Variants in HCRTR2 observed in about 807,000 individuals in gnomAD.
HCRTR2 encodes the protein orexin receptor type 2.
HCRTR2 carries 22 observed loss-of-function variants against 49.0 expected under a neutral mutation model. That is an observed-to-expected ratio of 0.45 (90% CI 0.32 to 0.64). The LOEUF (loss-of-function observed/expected upper bound fraction) is 0.64, where lower values mean the gene tolerates loss of function less well. Ranked by LOEUF, HCRTR2 falls within the 30% of genes least tolerant of loss-of-function variation. The probability of loss-of-function intolerance (pLI) is 0.04; values close to 1 mark genes in which losing one functional copy is unlikely to be tolerated. For synonymous variants in HCRTR2, 236 were observed against 205.3 expected, an observed-to-expected ratio of 1.15 and a Z score of -1.28; for missense variants, 491 against 559.4, an observed-to-expected ratio of 0.88 and a Z score of 1.23.
At chr6:55,238,527 A>G (rs1766257756) in intron 1 of HCRTR2, among the ~76,000 whole-genome samples, 1 of 152,160 alleles carries the variant, frequency 6.6e-6, no homozygotes. Flanking sequence ...CTGTAGGACA[A>G]TATCCAAATG....
At chr6:55,119,938 G>C (rs961795880) in intron 1 of HCRTR2, among the ~76,000 whole-genome samples, 1 of 151,662 alleles carries the variant, frequency 6.6e-6, no homozygotes, top group African/African-American at 2.4e-5. Flanking sequence ...ATCTTGAGTT[G>C]ATTTTTGTAT....
chr6:55,196,565 C>T (rs1338487820), intron 1 of HCRTR2, among the ~76,000 whole-genome samples: 1 of 152,108 alleles, frequency 6.6e-6, no homozygotes, highest in Non-Finnish European at 1.5e-5. Context: ...AGTTTTAGAC[C>T]TAGTCACTGA....
chr6:55,282,578 T>A lies in HCRTR2; in HGVS notation c.*124T>A, dbSNP rs1767215001. The A allele has an allele frequency of 3.1e-6, 2 of 646,060 alleles. No homozygotes were observed. The highest frequency in any genetic ancestry group is 5.4e-6 in the Non-Finnish European group (2 of 368,066). The allele number at this position is 646,060 out of a possible 1,614,324, so 40.0% of individuals were successfully genotyped here. On this transcript the variant is annotated 3_prime_UTR_variant, in exon 7 of 7. Transcript: ENST00000370862. ...ACTTGTGGATCTTTTTTTTTTTTAA[T>A]CTATTGCTCTTTGGAAATAAAAAAA...
intron 1 of HCRTR2, among the ~76,000 whole-genome samples, chr6:55,106,772 T>C (rs1763980906): frequency 6.6e-6 from 1 of 152,174 alleles, no homozygotes. Flanking sequence ...TATATGAAGC[T>C]AGTCCTGACA....
chr6:55,256,654 T>A (rs1394026261), intron 3 of HCRTR2, among the ~76,000 whole-genome samples: 1 of 152,040 alleles, frequency 6.6e-6, no homozygotes, highest in Admixed American at 6.6e-5. Flanking sequence ...TTTCTCTGTA[T>A]CATTTTCAGT....
chr6:55,255,497 T>C (rs2127317478), intron 3 of HCRTR2, 118 bp downstream of exon 3: 2 of 1,239,244 alleles, frequency 1.6e-6, no homozygotes, highest in Non-Finnish European at 2.3e-6. Flanking sequence ...GTGAATACAG[T>C]TTTGCAAGAG....
chr6:55,155,687 T>C (rs1192721573), intron 1 of HCRTR2, among the ~76,000 whole-genome samples: 2 of 152,054 alleles, frequency 1.3e-5, no homozygotes, highest in African/African-American at 4.8e-5. Flanking sequence ...TAATGTTAAT[T>C]CATTCAAACA....
intron 1 of HCRTR2, among the ~76,000 whole-genome samples, chr6:55,163,059 A>G (rs1336854311): frequency 1.3e-5 from 2 of 151,898 alleles, no homozygotes; most frequent in Non-Finnish European, 2.9e-5. Flanking sequence ...CCATGGTGAA[A>G]CCCCGTCTCT....
chr6:55,143,571 C>T (rs1173418107), intron 1 of HCRTR2, among the ~76,000 whole-genome samples: 1 of 152,162 alleles, frequency 6.6e-6, no homozygotes, highest in Non-Finnish European at 1.5e-5. Context: ...CTGATGTAAC[C>T]TTGCAGGATC....
At chr6:55,217,934 G>T (rs755686358) in intron 1 of HCRTR2, among the ~76,000 whole-genome samples, 10 of 152,154 alleles carry the variant, frequency 6.6e-5, no homozygotes, top group Non-Finnish European at 1.3e-4. Flanking sequence ...CAAAACCAAT[G>T]GGATATACAG....
chr6:55,168,735 T>C (rs1764910063), intron 1 of HCRTR2, among the ~76,000 whole-genome samples: 1 of 152,110 alleles, frequency 6.6e-6, no homozygotes, highest in African/African-American at 2.4e-5. Context: ...CTGGGTAATT[T>C]TTTTTTTAAG....
intron 6 of HCRTR2, among the ~76,000 whole-genome samples, chr6:55,281,469 A>G (rs1050242666): frequency 1.3e-5 from 2 of 152,184 alleles, no homozygotes; most frequent in African/African-American, 4.8e-5. Context: ...GAGGCAACTG[A>G]TAATCACTGA....
intron 1 of HCRTR2, among the ~76,000 whole-genome samples, chr6:55,238,622 A>G (rs886446893): frequency 2.0e-5 from 3 of 152,180 alleles, no homozygotes; most frequent in Non-Finnish European, 4.4e-5. Context: ...ATTGAAAGAT[A>G]GAACATCTAT....
rs1394902231 is a variant in HCRTR2, at chr6:55,280,435, T to A, written c.1096T>A (p.Phe366Ile). Residue 366 changes from phenylalanine to isoleucine, a missense_variant, in exon 6 of 7, where the codon TTT becomes ATT. By Grantham distance (21) the Phe-to-Ile change is conservative. Coordinates refer to ENST00000370862, the MANE Select transcript of HCRTR2 (RefSeq NM_001384272.1). The stretch of plus-strand genomic sequence containing the variant: ...TGCTGCGAATCCAATTATTTATAAT[T>A]TTCTCAGTGGTGAGTTTTCAACTGT... ...NSAANPIIYN[F>I]LSGKFREEFK... is the part of the protein sequence containing the mutation. 6.2e-7 allele frequency: 1 copy of A among 1,612,344 alleles called. No individual in the cohort carries two copies. Among genetic ancestry groups the A allele is most frequent in the Non-Finnish European group, 8.5e-7 (1 of 1,178,946 alleles).
intron 1 of HCRTR2, among the ~76,000 whole-genome samples, chr6:55,216,863 T>A (rs9475199): frequency 0.18 from 27,280 of 152,054 alleles, 2,634 homozygotes; most frequent in Admixed American, 0.27. Context: ...GCCATGGCTC[T>A]GTCCCTGTGA....
intron 1 of HCRTR2, among the ~76,000 whole-genome samples, chr6:55,123,862 T>G (rs1288974724): frequency 1.3e-5 from 2 of 152,186 alleles, no homozygotes; most frequent in Non-Finnish European, 2.9e-5. Flanking sequence ...TGGGAGAGTG[T>G]ATGTGTCCAG....
At chr6:55,132,900 C>A (rs776076336) in intron 1 of HCRTR2, among the ~76,000 whole-genome samples, 4 of 151,616 alleles carry the variant, frequency 2.6e-5, no homozygotes, top group Non-Finnish European at 5.9e-5. Flanking sequence ...ACATAGACAC[C>A]AGAGACCCAT....
intron 3 of HCRTR2, among the ~76,000 whole-genome samples, chr6:55,263,444 C>G (rs374934508): frequency 1.3e-5 from 2 of 152,080 alleles, no homozygotes; most frequent in African/African-American, 4.8e-5. Flanking sequence ...CTTTGGGTAG[C>G]ACAAATTAAG....
rs187166313 is a variant in HCRTR2 at position 55,191,498 on chromosome 6, T to G, written c.223+16688T>G. The stretch of plus-strand genomic sequence containing the variant: ...TTAGTCAATTATGTCATGGAAAGAA[T>G]TGAAGGGTTGTTATAAATTTAAAGG... On this transcript the variant is annotated intron_variant, in intron 1 of 6. Coordinates refer to ENST00000370862, the MANE Select transcript of HCRTR2 (RefSeq NM_001384272.1). Among the ~76,000 whole-genome samples the G allele has an allele frequency of 4.9e-4, 74 of 152,304 alleles. 1 individual carries two copies. In the East Asian group the frequency reaches 0.01, roughly 21 times the overall value.
Sources: gnomAD v4.1 joint callset for allele counts (sites outside exome capture counted in the v4.1 genomes callset) on GRCh38, gnomAD v4.1.1 for gene constraint, MANE v1.5 for transcripts, NCBI Gene and HGNC (gene_info 2026-07-23, HGNC 2026-07-21) for gene names.